POLR1B: variants seen among roughly 807,000 people sequenced by gnomAD.
POLR1B encodes DNA-directed RNA polymerase I subunit RPA2.
POLR1B carries 30 observed loss-of-function variants against 105.8 expected under a neutral mutation model. The ratio of observed to expected loss-of-function variants is 0.28; its 90% CI spans 0.21 to 0.38. The LOEUF (loss-of-function observed/expected upper bound fraction) is 0.38, where lower values mean the gene tolerates loss of function less well. Among genes scored for constraint, POLR1B ranks in the 10% least tolerant of loss-of-function variants. The pLI is 1.00. For synonymous variants in POLR1B, 485 were observed against 505.1 expected (o/e 0.96, Z 0.53); for missense variants, 976 against 1,435.8 (o/e 0.68, Z 5.17).
In POLR1B at chr2:112,579,290, A is replaced by G. The variant is rs1684997744; in HGVS notation, c.*3561A>G. Among the ~76,000 whole-genome samples, 1 of 151,632 alleles carries G rather than the reference A, an allele frequency of 6.6e-6. No individual in the cohort carries two copies. The highest frequency in any genetic ancestry group is 6.6e-5 in the Admixed American group (1 of 15,226). On this transcript the variant is annotated 3_prime_UTR_variant, in exon 15 of 15. Coordinates refer to ENST00000263331, the MANE Select transcript of POLR1B (RefSeq NM_019014.6). Reference sequence around the variant, plus strand: ...GGACTACTATACAGGTTATTGTGTAAACATAAGTTTCATTTCCCTGGGACA... The same window carrying G: ...GGACTACTATACAGGTTATTGTGTAGACATAAGTTTCATTTCCCTGGGACA...
chr2:112,567,887 T>C, intron 10 of POLR1B, 80 bp from the exon 11 acceptor site: 2 of 1,208,408 alleles, frequency 1.7e-6, no homozygotes, highest in Non-Finnish European at 2.4e-6. Flanking sequence ...GGATGAGTGG[T>C]ATTCCATGGG....
chr2:112,545,277 G>A (rs1365045247), intron 1 of POLR1B, among the ~76,000 whole-genome samples: 1 of 152,166 alleles, frequency 6.6e-6, no homozygotes, highest in African/African-American at 2.4e-5. Context: ...TATTAGATAA[G>A]CTGTCCTTAA....
Position 112,575,321 on chromosome 2 carries a change from G to A in POLR1B, c.3000G>A (p.Gln1000=), listed in dbSNP as rs34628059. 3.6e-3 allele frequency: 5,804 copies of A among 1,614,092 alleles called. 111 individuals carry two copies. In the African/African-American group the frequency reaches 0.05, roughly 14 times the overall value. ...ADIFIGVVYY[Q]RLRHMVSDKF... is the part of the protein sequence containing the mutation. ...TCTTCATAGGAGTGGTTTATTATCA[G>A]CGCTTACGCCATATGGTCTCAGACA... Residue 1000 remains glutamine (Q), a synonymous_variant, in exon 15 of 15, where the codon CAG becomes CAA. Coordinates refer to ENST00000263331, the MANE Select transcript of POLR1B (RefSeq NM_019014.6). The surrounding 1 kb of genome is among the most constrained non-coding windows in gnomAD (Gnocchi z 5.3).
In POLR1B at chr2:112,548,908, G is replaced by A. The variant is rs372139225; in HGVS notation, c.493-359G>A. On this transcript the variant is annotated intron_variant, in intron 3 of 14. Transcript: ENST00000263331. The stretch of plus-strand genomic sequence containing the variant: ...ATTACAGGCGTGAGCCACCGCGCCC[G>A]GCCCAGTTTTTATCTTTCAACACCT... Among the ~76,000 whole-genome samples, 6 of 152,232 alleles carry A rather than the reference G, an allele frequency of 3.9e-5. No homozygotes were observed. In the South Asian group the frequency reaches 1.2e-3, roughly 32 times the overall value.
At chr2:112,565,117 G>C (rs1341024676) in intron 10 of POLR1B, among the ~76,000 whole-genome samples, 1 of 152,120 alleles carries the variant, frequency 6.6e-6, no homozygotes, top group Admixed American at 6.5e-5. Flanking sequence ...CTACCTTTTG[G>C]TCATTGCAAA....
At chr2:112,562,721 T>TTTTTCTC (rs1331325370) in intron 9 of POLR1B, among the ~76,000 whole-genome samples, 1 of 135,860 alleles carries the variant, frequency 7.4e-6, no homozygotes, top group African/African-American at 3.3e-5. Context: ...GACAATTTCT[T>TTTTTCTC]TTTTTTCTTT....
In POLR1B at chr2:112,551,960, C is replaced by T. The variant is rs1194586330; in HGVS notation, c.948C>T (p.Asp316=). 1.2e-6 allele frequency: 2 copies of T among 1,614,070 alleles called. No individual in the cohort carries two copies. Among genetic ancestry groups the T allele is most frequent in the Non-Finnish European group, 1.7e-6 (2 of 1,180,044 alleles). Residue 316 remains aspartate (D), a synonymous_variant, in exon 6 of 15, where the codon GAC becomes GAT. Transcript: ENST00000263331. ...TCAGAGTAAAACTCAATGTTCCTGACTGGTACCCAAATGAGCAAGCTGCGG... is the reference window on the plus strand; with the variant it reads ...TCAGAGTAAAACTCAATGTTCCTGATTGGTACCCAAATGAGCAAGCTGCGG... ...ECFRVKLNVP[D]WYPNEQAAEF... is the part of the protein sequence containing the mutation.
chr2:112,545,931 C>A, intron 1 of POLR1B: 1 of 165,090 alleles, frequency 6.1e-6, no homozygotes, highest in Non-Finnish European at 1.3e-5. Context: ...AGGTATAAGC[C>A]ACTGCATCTG....
intron 1 of POLR1B, among the ~76,000 whole-genome samples, chr2:112,544,623 G>C (rs534121347): frequency 1.3e-5 from 2 of 152,226 alleles, no homozygotes; most frequent in African/African-American, 4.8e-5. Flanking sequence ...TTTGGTTGAA[G>C]TAGATGAAGA....
intron 7 of POLR1B, among the ~76,000 whole-genome samples, chr2:112,556,057 TC>T (rs1273186804): frequency 6.6e-6 from 1 of 152,090 alleles, no homozygotes; most frequent in African/African-American, 2.4e-5. Context: ...CACAAACAAA[TC>T]AGTTGTCAAG....
At position 112,577,251 on chromosome 2, in the gene POLR1B, T is replaced by A. The variant is rs1684911846; in HGVS notation, c.*1522T>A. ...GACAGAAAAATCTATCATTTCAAGA[T>A]AGGCTTAGCAGGATGGGCGCAGTGG... is the stretch of plus-strand genomic sequence containing the variant. On this transcript the variant is annotated 3_prime_UTR_variant, in exon 15 of 15. Transcript: ENST00000263331. The A allele has an allele frequency of 2.0e-5, 3 of 152,238 alleles. No individual in the cohort carries two copies. The highest frequency in any genetic ancestry group is 4.4e-5 in the Non-Finnish European group (3 of 68,048). The allele number at this position is 152,238 out of a possible 1,614,324, so 9.4% of individuals were successfully genotyped here.
chr2:112,559,423 C>T lies in POLR1B; in HGVS notation c.1461C>T (p.Arg487=). ...CCAAGATGAGGACCACCACAGTACG[C>T]AGGCTGCTGCCAGAGTCCTGGGGCT... ...DFAKMRTTTV[R]RLLPESWGFL... Residue 487 remains arginine, a synonymous_variant, in exon 9 of 15, where the codon CGC becomes CGT. Coordinates refer to ENST00000263331, the MANE Select transcript of POLR1B (RefSeq NM_019014.6). 6.2e-7 allele frequency: 1 copy of T among 1,614,256 alleles called. No individual in the cohort carries two copies. The highest frequency in any genetic ancestry group is 8.5e-7 in the Non-Finnish European group (1 of 1,180,048).
intron 10 of POLR1B, among the ~76,000 whole-genome samples, chr2:112,566,943 G>A (rs1558663229): frequency 6.6e-6 from 1 of 151,988 alleles, no homozygotes; most frequent in African/African-American, 2.4e-5. Context: ...ATGTTGCCCC[G>A]GCTGGTCTCG....
intron 1 of POLR1B, 34 bp downstream of exon 1, chr2:112,542,705 G>A (rs1487742274): frequency 6.2e-7 from 1 of 1,607,772 alleles, no homozygotes; most frequent in Non-Finnish European, 8.5e-7. Flanking sequence ...CCTTGCCGCG[G>A]CGAGGCCAAT....
intron 8 of POLR1B, 116 bp downstream of exon 8, chr2:112,558,197 A>G (rs1313786470): frequency 1.3e-6 from 1 of 768,352 alleles, no homozygotes; most frequent in African/African-American, 1.8e-5. Context: ...TAAATTTCTC[A>G]TAACTATGAC....
intron 3 of POLR1B, among the ~76,000 whole-genome samples, chr2:112,548,615 C>CTT (rs199599329): frequency 3.5e-5 from 5 of 142,740 alleles, no homozygotes; most frequent in Admixed American, 7.0e-5. Flanking sequence ...TTTTATCTTT[C>CTT]TTTTTTTTTT....
intron 10 of POLR1B, 29 bp downstream of exon 10, chr2:112,564,528 A>C: frequency 3.7e-6 from 6 of 1,613,966 alleles, no homozygotes; most frequent in Non-Finnish European, 5.1e-6. Context: ...GAATTGTCCT[A>C]TCCCTTGACC....
In POLR1B at chr2:112,543,802, G is replaced by A. The variant is rs368239153; in HGVS notation, c.177+1131G>A. 3.9e-5 allele frequency among the ~76,000 whole-genome samples: 6 copies of A among 152,188 alleles called. No homozygotes were observed. In the South Asian group the frequency reaches 1.2e-3, roughly 32 times the overall value. Reference sequence around the variant, plus strand: ...AAAAATTCCTAATTAAAAGTTAATCGGGCTGGGTGCAGTGGCTCACACCTG... The same window carrying A: ...AAAAATTCCTAATTAAAAGTTAATCAGGCTGGGTGCAGTGGCTCACACCTG... On this transcript the variant is annotated intron_variant, in intron 1 of 14. Coordinates refer to ENST00000263331, the MANE Select transcript of POLR1B (RefSeq NM_019014.6).
chr2:112,568,013 T>G lies in POLR1B; in HGVS notation c.1793T>G (p.Ile598Arg). 2 of 1,614,152 alleles carry G rather than the reference T, an allele frequency of 1.2e-6. No homozygotes were observed. The highest frequency in any genetic ancestry group is 1.3e-5 in the African/African-American group (1 of 75,048). The change falls in exon 11 of 15, where the codon ATA becomes AGA. Residue 598 changes from isoleucine (I) to arginine (R), a missense_variant. Ile to Arg is a moderately conservative substitution (Grantham distance 97, BLOSUM62 -3). Around this residue, in one of 12 missense-constraint regions of POLR1B, gnomAD observed 184 missense variants for 197.4 expected, o/e 0.93. Coordinates refer to ENST00000263331, the MANE Select transcript of POLR1B (RefSeq NM_019014.6). ...CCTCCCTGGATGGAAGTGGTCCTTATACCCATGACAGGAAAACCAAGTCTG... is the reference window on the plus strand; with the variant it reads ...CCTCCCTGGATGGAAGTGGTCCTTAGACCCATGACAGGAAAACCAAGTCTG... ...RIPPWMEVVL[I>R]PMTGKPSLYP...
Sources: allele counts gnomAD v4.1 joint callset (sites outside exome capture counted in the v4.1 genomes callset), GRCh38; gene constraint gnomAD v4.1.1; regional missense constraint gnomAD v4.1.1; non-coding constraint Gnocchi (gnomAD v3.1); transcripts MANE v1.5; gene names NCBI Gene and HGNC (gene_info 2026-07-23, HGNC 2026-07-21).